Variants in NTNG1 observed in about 807,000 individuals in gnomAD.
The protein encoded by NTNG1 is netrin-G1.
Under a neutral mutation model 54.0 loss-of-function variants are expected in NTNG1, and 16 were observed. The ratio of observed to expected loss-of-function variants is 0.30; its 90% confidence interval spans 0.20 to 0.45. The LOEUF is 0.45. Ranked by LOEUF, NTNG1 falls within the 20% of genes least tolerant of loss-of-function variation. The pLI, the probability that NTNG1 is intolerant of heterozygous loss-of-function variation, is 1.00. For synonymous variants in NTNG1, 255 were observed against 263.1 expected, an observed-to-expected ratio of 0.97 and a Z score of 0.30; for missense variants, 530 against 678.7, an observed-to-expected ratio of 0.78 and a Z score of 2.43.
At chr1:107,344,632 A>G (rs1046813664) in intron 3 of NTNG1, among the ~76,000 whole-genome samples, 1 of 152,160 alleles carries the variant, frequency 6.6e-6, no homozygotes, top group Non-Finnish European at 1.5e-5. Flanking sequence ...CAAACTTGTC[A>G]TTCTGTTGTA....
intron 7 of NTNG1, among the ~76,000 whole-genome samples, chr1:107,444,989 A>G (rs868069002): frequency 6.6e-6 from 1 of 152,162 alleles, no homozygotes; most frequent in Non-Finnish European, 1.5e-5. Flanking sequence ...AAAGCTACAT[A>G]TATAAAGATA....
At chr1:107,374,921 G>A (rs572188233) in intron 3 of NTNG1, among the ~76,000 whole-genome samples, 83 of 151,904 alleles carry the variant, frequency 5.5e-4, no homozygotes, top group African/African-American at 1.8e-3. Context: ...AGTAGTCTAG[G>A]GTTAATTATT....
intron 2 of NTNG1, among the ~76,000 whole-genome samples, chr1:107,255,237 G>A (rs1662856457): frequency 6.6e-6 from 1 of 152,130 alleles, no homozygotes; most frequent in African/African-American, 2.4e-5. Context: ...AACATAAAAT[G>A]TTTTTAGCAT....
chr1:107,325,329 T>C (rs1024614685), intron 3 of NTNG1, among the ~76,000 whole-genome samples: 3 of 152,144 alleles, frequency 2.0e-5, no homozygotes, highest in African/African-American at 4.8e-5. Context: ...AGTCAATTTA[T>C]GTTTTGTGTA....
intron 2 of NTNG1, among the ~76,000 whole-genome samples, chr1:107,156,950 G>T (rs1035486122): frequency 6.6e-6 from 1 of 152,200 alleles, no homozygotes; most frequent in South Asian, 2.1e-4. Flanking sequence ...TATACCTGTG[G>T]CTTTAAAATT....
chr1:107,287,117 GTATT>G (rs1557870905), intron 2 of NTNG1, among the ~76,000 whole-genome samples: 1 of 152,080 alleles, frequency 6.6e-6, no homozygotes, highest in Non-Finnish European at 1.5e-5. Context: ...AATAATAGAT[GTATT>G]TATTTATAAG....
At chr1:107,196,403 C>CATATATATA (rs1658333520) in intron 2 of NTNG1, among the ~76,000 whole-genome samples, 1 of 152,006 alleles carries the variant, frequency 6.6e-6, no homozygotes, top group Admixed American at 6.6e-5. Flanking sequence ...AACTACTTGG[C>CATATATATA]ACAGTGCCTG....
intron 2 of NTNG1, among the ~76,000 whole-genome samples, chr1:107,285,242 T>G (rs9435447): frequency 0.017 from 2,595 of 152,246 alleles, 63 homozygotes; most frequent in African/African-American, 0.059. Context: ...AAAGCCTAAC[T>G]TCAACCCATG....
chr1:107,281,139 C>G (rs961442698), intron 2 of NTNG1, among the ~76,000 whole-genome samples: 2 of 152,080 alleles, frequency 1.3e-5, no homozygotes, highest in Admixed American at 1.3e-4. Flanking sequence ...GTTGACCTAT[C>G]AACATTTCCA....
chr1:107,280,296 T>G (rs1284964526), intron 2 of NTNG1, among the ~76,000 whole-genome samples: 2 of 151,732 alleles, frequency 1.3e-5, no homozygotes, highest in Non-Finnish European at 2.9e-5. Context: ...TCTGCTCTCT[T>G]CTTTGCAACT....
chr1:107,435,764 AG>A (rs752256254), intron 6 of NTNG1, among the ~76,000 whole-genome samples: 16 of 152,160 alleles, frequency 1.1e-4, no homozygotes, highest in Non-Finnish European at 1.8e-4. Flanking sequence ...CTTCCTCAAA[AG>A]TATTAGAAGA....
At chr1:107,333,890 A>G (rs1449945668) in intron 3 of NTNG1, 1 of 150,294 alleles carries the variant, frequency 6.7e-6, no homozygotes, top group Non-Finnish European at 1.5e-5. Context: ...TTCTTTAAGA[A>G]TTATAGGAAA....
chr1:107,333,240 A>G (rs1023743010), intron 3 of NTNG1, among the ~76,000 whole-genome samples: 3 of 152,056 alleles, frequency 2.0e-5, no homozygotes, highest in African/African-American at 7.2e-5. Flanking sequence ...CAAGAGAAAT[A>G]GATTCTCACT....
At chr1:107,145,689 A>G (rs1422390973) in intron 1 of NTNG1, among the ~76,000 whole-genome samples, 1 of 152,122 alleles carries the variant, frequency 6.6e-6, no homozygotes, top group Non-Finnish European at 1.5e-5. Flanking sequence ...GTTATGTGCC[A>G]GAAATTTAAG....
intron 3 of NTNG1, among the ~76,000 whole-genome samples, chr1:107,376,218 A>G (rs1020193909): frequency 9.9e-5 from 15 of 151,392 alleles, no homozygotes; most frequent in African/African-American, 9.7e-5. Flanking sequence ...CAGGAGATCG[A>G]GACCACAGTG....
intron 2 of NTNG1, among the ~76,000 whole-genome samples, chr1:107,245,362 A>G (rs547613048): frequency 2.6e-5 from 4 of 152,216 alleles, no homozygotes; most frequent in Non-Finnish European, 5.9e-5. Context: ...TATTTTTCTC[A>G]TTCTGGTAAA....
chr1:107,248,775 A>C (rs1662368380), intron 2 of NTNG1, among the ~76,000 whole-genome samples: 1 of 151,388 alleles, frequency 6.6e-6, no homozygotes, highest in Non-Finnish European at 1.5e-5. Context: ...GCACAGGTAT[A>C]CTTGTATGTA....
At chr1:107,355,146 C>G (rs1284320990) in intron 3 of NTNG1, among the ~76,000 whole-genome samples, 3 of 151,670 alleles carry the variant, frequency 2.0e-5, no homozygotes, top group African/African-American at 7.3e-5. Flanking sequence ...TTTTGATAGT[C>G]TCTGATTCCT....
chr1:107,308,016 T>G (rs1162237210), intron 2 of NTNG1, among the ~76,000 whole-genome samples: 1 of 152,138 alleles, frequency 6.6e-6, no homozygotes, highest in African/African-American at 2.4e-5. Context: ...AATAGTGTTT[T>G]TTTTTTTCTT....
Sources: allele counts gnomAD v4.1 joint callset (sites outside exome capture counted in the v4.1 genomes callset), GRCh38; gene constraint gnomAD v4.1.1; transcripts MANE v1.5; gene names NCBI Gene and HGNC (gene_info 2026-07-23, HGNC 2026-07-21).